The following CTNNA3 variants were observed in gnomAD, a reference collection of about 807,000 sequenced individuals.
The protein encoded by CTNNA3 is catenin alpha 3.
Under a neutral mutation model 95.7 loss-of-function variants are expected in CTNNA3, and 76 were observed. The ratio of observed to expected loss-of-function variants is 0.79; its 90% CI spans 0.66 to 0.96. CTNNA3 has a LOEUF of 0.96. Among genes scored for constraint, CTNNA3 ranks in the 40% least tolerant of loss-of-function variants. The pLI, the probability that CTNNA3 is intolerant of heterozygous loss-of-function variation, is 0.00. For synonymous variants in CTNNA3, 431 were observed against 374.4 expected, an observed-to-expected ratio of 1.15 and a Z score of -1.74; for missense variants, 1,191 against 1,089.8, an observed-to-expected ratio of 1.09 and a Z score of -1.31.
chr10:66,725,031 C>G (rs1468685013), intron 9 of CTNNA3, among the ~76,000 whole-genome samples: 2 of 152,054 alleles, frequency 1.3e-5, no homozygotes, highest in Non-Finnish European at 2.9e-5. Context: ...TGCACATCCT[C>G]CTATTTACTT....
rs557029688 is a variant in CTNNA3, at chr10:66,261,389, C to T, written c.1884+19081G>A. ...TTTTTCTAGTCCTTATGTTATATTC[C>T]TATTCTTAGCCAATGATTTCAAATG... On this transcript the variant is annotated intron_variant, in intron 13 of 17. Coordinates refer to ENST00000433211, the MANE Select transcript of CTNNA3 (RefSeq NM_013266.4). Among the ~76,000 whole-genome samples the T allele has an allele frequency of 7.2e-5, 11 of 152,124 alleles. No homozygotes were observed. In the South Asian group the frequency reaches 2.3e-3, roughly 32 times the overall value.
chr10:66,781,830 C>T (rs998428129), intron 7 of CTNNA3, among the ~76,000 whole-genome samples: 5 of 152,092 alleles, frequency 3.3e-5, no homozygotes, highest in Non-Finnish European at 7.4e-5. Context: ...ACTGTCTCAA[C>T]TGCTGTTCAC....
At chr10:67,675,468 G>C (rs1377958411) in intron 1 of CTNNA3, among the ~76,000 whole-genome samples, 1 of 152,042 alleles carries the variant, frequency 6.6e-6, no homozygotes, top group Non-Finnish European at 1.5e-5. Flanking sequence ...TAGGCCACTT[G>C]GAGCATATTC....
chr10:67,230,903 G>A (rs7067537), intron 5 of CTNNA3, among the ~76,000 whole-genome samples: 53,802 of 152,038 alleles, frequency 0.35, 14,612 homozygotes, highest in African/African-American at 0.76. Flanking sequence ...TAGTCAAAGA[G>A]AGGGGTGACA....
At chr10:66,489,161 G>C (rs1027517293) in intron 11 of CTNNA3, among the ~76,000 whole-genome samples, 1 of 152,096 alleles carries the variant, frequency 6.6e-6, no homozygotes, top group Non-Finnish European at 1.5e-5. Context: ...ATATCTACTC[G>C]AGAGTTTGAA....
intron 9 of CTNNA3, among the ~76,000 whole-genome samples, chr10:66,697,125 A>G (rs1847794459): frequency 6.6e-6 from 1 of 151,816 alleles, no homozygotes; most frequent in South Asian, 2.1e-4. Flanking sequence ...ACTGCTTTTA[A>G]AAAAGGAAAC....
At chr10:67,601,421 T>C (rs1453010570) in intron 3 of CTNNA3, among the ~76,000 whole-genome samples, 1 of 152,166 alleles carries the variant, frequency 6.6e-6, no homozygotes, top group Admixed American at 6.5e-5. Flanking sequence ...GAGAATCTAA[T>C]GCCGCAGCTG....
At chr10:67,177,445 T>A (rs1352769187) in intron 7 of CTNNA3, among the ~76,000 whole-genome samples, 1 of 152,166 alleles carries the variant, frequency 6.6e-6, no homozygotes, top group Non-Finnish European at 1.5e-5. Context: ...CCTAAAAGAC[T>A]CACAGGTTTT....
At chr10:66,641,370 C>G (rs913343335) in intron 9 of CTNNA3, among the ~76,000 whole-genome samples, 3 of 152,018 alleles carry the variant, frequency 2.0e-5, no homozygotes, top group African/African-American at 7.2e-5. Context: ...AATATTATGT[C>G]TCAACCCACA....
At chr10:66,111,860 T>C (rs2082133242) in intron 13 of CTNNA3, among the ~76,000 whole-genome samples, 1 of 152,104 alleles carries the variant, frequency 6.6e-6, no homozygotes, top group East Asian at 1.9e-4. Context: ...ACTAAACTAG[T>C]TGTTTTTTGT....
chr10:66,616,083 C>A (rs1301718085), intron 10 of CTNNA3, among the ~76,000 whole-genome samples: 1 of 152,008 alleles, frequency 6.6e-6, no homozygotes, highest in African/African-American at 2.4e-5. Context: ...TGTTCACACA[C>A]CTGTAGTACT....
intron 13 of CTNNA3, among the ~76,000 whole-genome samples, chr10:66,184,271 C>T (rs996735576): frequency 6.6e-6 from 1 of 152,070 alleles, no homozygotes; most frequent in Non-Finnish European, 1.5e-5. Flanking sequence ...TGATCTCCAG[C>T]TTGGGTGGCA....
At chr10:66,346,806 T>C (rs771642909) in intron 12 of CTNNA3, among the ~76,000 whole-genome samples, 1 of 152,060 alleles carries the variant, frequency 6.6e-6, no homozygotes, top group African/African-American at 2.4e-5. Context: ...AAGAGACTCA[T>C]TGAAGGTGTT....
intron 11 of CTNNA3, among the ~76,000 whole-genome samples, chr10:66,462,308 C>T (rs1457356047): frequency 6.6e-6 from 1 of 152,072 alleles, no homozygotes; most frequent in Non-Finnish European, 1.5e-5. Flanking sequence ...TCATGTTACA[C>T]AATTCTTCAT....
intron 7 of CTNNA3, among the ~76,000 whole-genome samples, chr10:66,948,945 A>T (rs1411421429): frequency 6.6e-6 from 1 of 152,202 alleles, no homozygotes; most frequent in Admixed American, 6.5e-5. Context: ...GAACAAAGAC[A>T]TAATTCCAGA....
intron 12 of CTNNA3, among the ~76,000 whole-genome samples, chr10:66,329,729 G>C (rs1415919869): frequency 1.3e-5 from 2 of 152,076 alleles, no homozygotes; most frequent in East Asian, 3.9e-4. Flanking sequence ...CACAGAAATA[G>C]AGTTATATCA....
At chr10:66,952,493 C>T (rs984616723) in intron 7 of CTNNA3, among the ~76,000 whole-genome samples, 3 of 152,206 alleles carry the variant, frequency 2.0e-5, no homozygotes, top group South Asian at 4.1e-4. Context: ...CATTTGATGA[C>T]ATTAGGATAT....
At chr10:67,245,032 A>G (rs1865856777) in intron 5 of CTNNA3, among the ~76,000 whole-genome samples, 1 of 151,848 alleles carries the variant, frequency 6.6e-6, no homozygotes, top group Non-Finnish European at 1.5e-5. Flanking sequence ...ACCTCTTATT[A>G]CCTCTACAAC....
In CTNNA3 at chr10:65,961,881, G is replaced by A. The variant is rs1216396135; in HGVS notation, c.2400+4731C>T. Among the ~76,000 whole-genome samples, 6 of 151,850 alleles carry A rather than the reference G, an allele frequency of 4.0e-5. No individual in the cohort carries two copies. The East Asian group carries it at 5.8e-4, about 15-fold the overall frequency. ...GAATATACAAGTCATTGTTAGAGCC[G>A]TATAAGCCATATTTTTGACCTTGAT... On this transcript the variant is annotated intron_variant, in intron 17 of 17. Transcript: ENST00000433211.
Sources: gnomAD v4.1 joint callset for allele counts (sites outside exome capture counted in the v4.1 genomes callset) on GRCh38, gnomAD v4.1.1 for gene constraint, MANE v1.5 for transcripts, NCBI Gene and HGNC (gene_info 2026-07-23, HGNC 2026-07-21) for gene names.